FCGR2B: variants seen among roughly 807,000 people sequenced by gnomAD.
The protein encoded by FCGR2B is low affinity immunoglobulin gamma Fc region receptor II-b.
FCGR2B carries 18 observed loss-of-function variants against 24.8 expected under a neutral mutation model. The observed-to-expected ratio is 0.73, with a 90% CI of 0.50 to 1.08. The LOEUF (loss-of-function observed/expected upper bound fraction) is 1.08. FCGR2B is among the 50% of genes least tolerant of loss of function. The probability of loss-of-function intolerance (pLI) is 0.00; values close to 1 mark genes in which losing one functional copy is unlikely to be tolerated. For synonymous variants in FCGR2B, 79 were observed against 109.8 expected, an observed-to-expected ratio of 0.72 and a Z score of 1.75; for missense variants, 215 against 297.6, an observed-to-expected ratio of 0.72 and a Z score of 2.04.
chr1:161,672,466 G>A (rs10799894), intron 3 of FCGR2B: 52 of 173,808 alleles, frequency 3.0e-4, no homozygotes, highest in African/African-American at 7.4e-4. Context: ...TAACATTCCC[G>A]AAGTAAATTT....
At chr1:161,676,586 T>C in intron 6 of FCGR2B, 1 of 160,268 alleles carries the variant, frequency 6.2e-6, no homozygotes, top group Non-Finnish European at 1.4e-5. Context: ...GAATTCAGAA[T>C]GCGGTTTACT....
chr1:161,676,575 G>C (rs1353606609), intron 6 of FCGR2B: 3 of 162,888 alleles, frequency 1.8e-5, no homozygotes, highest in Non-Finnish European at 4.0e-5. Flanking sequence ...TAATAGAATG[G>C]GAATTCAGAA....
the FCGR2B span, among the ~76,000 whole-genome samples, chr1:161,652,490 C>T: frequency 7.5e-6 from 1 of 134,194 alleles, no homozygotes; most frequent in African/African-American, 2.6e-5. Flanking sequence ...TGAAATTCCC[C>T]ATCTGTTTAT....
the FCGR2B span, among the ~76,000 whole-genome samples, chr1:161,654,792 A>G: frequency 7.3e-6 from 1 of 137,784 alleles, no homozygotes; most frequent in South Asian, 2.4e-4. Context: ...CTTTTCTTAG[A>G]TTTCAGGGTA....
rs912988400 is a variant in FCGR2B, at chr1:161,665,086, CT to C, written c.112+1741del. ...TTCTCTCTCCTTTCCTCATCTTTTC[CT>C]TTTTTTTCTCTCGCTCTTCCTCTTC... On this transcript the variant is annotated intron_variant, in intron 1 of 7. Coordinates refer to ENST00000358671, the MANE Select transcript of FCGR2B (RefSeq NM_001394477.1). 6.3e-5 allele frequency among the ~76,000 whole-genome samples: 6 copies of C among 95,452 alleles called. 3 individuals carry two copies. Among genetic ancestry groups the C allele is most frequent in the South Asian group, 7.5e-4 (2 of 2,682 alleles). The allele number at this position is 95,452 out of a possible 152,430, so 62.6% of individuals were successfully genotyped here.
At position 161,677,716 on chromosome 1, in the gene FCGR2B, A is replaced by G; in HGVS notation, c.*163A>G. The G allele has an allele frequency of 1.7e-6, 1 of 605,126 alleles. No homozygotes were observed. Among genetic ancestry groups the G allele is most frequent in the Non-Finnish European group, 2.9e-6 (1 of 344,568 alleles). 37.5% of individuals were successfully genotyped at this position (605,126 alleles called of 1,614,324 possible). A position where few individuals can be genotyped will look rare whatever the true frequency, so the allele number is the denominator to read the frequency against. On this transcript the variant is annotated 3_prime_UTR_variant, in exon 8 of 8. Coordinates refer to ENST00000358671, the MANE Select transcript of FCGR2B (RefSeq NM_001394477.1). ...CTGAGTCCTGAAGCTCCCTGTCCTG[A>G]AAGCCACAGACAATATGGTCCCAAA...
Position 161,674,006 on chromosome 1 carries a change from G to A in FCGR2B, c.693G>A (p.Gly231=), listed in dbSNP as rs1216129399. The change falls in exon 5 of 8, where the codon GGG becomes GGA. Residue 231 remains glycine (G), a synonymous_variant. Transcript: ENST00000358671. ...PMGIIVAVVT[G]IAVAAIVAAV... is the part of the protein sequence containing the mutation. ...GGATCATTGTGGCTGTGGTCACTGG[G>A]ATTGCTGTAGCGGCCATTGTTGCTG... 2 of 523,826 alleles carry A rather than the reference G, an allele frequency of 3.8e-6. No homozygotes were observed. Among genetic ancestry groups the A allele is most frequent in the South Asian group, 2.1e-5 (1 of 47,480 alleles). 32.4% of individuals were successfully genotyped at this position (523,826 alleles called of 1,614,324 possible).
intron 6 of FCGR2B, chr1:161,676,989 T>C (rs1193161854): frequency 2.5e-6 from 1 of 399,006 alleles, no homozygotes; most frequent in African/African-American, 2.1e-5. Flanking sequence ...TTCACTCTGA[T>C]GCTGAACACC....
chr1:161,671,800 C>A, intron 3 of FCGR2B, 151 bp downstream of exon 3: 1 of 1,448,080 alleles, frequency 6.9e-7, no homozygotes, highest in Non-Finnish European at 9.3e-7. Context: ...TTGTTTTTGC[C>A]TCAGTTCTGA....
chr1:161,649,579 G>T, the FCGR2B span, among the ~76,000 whole-genome samples: 2 of 150,732 alleles, frequency 1.3e-5, no homozygotes, highest in Admixed American at 1.3e-4. Context: ...AACGGAGCAA[G>T]ACTGAGGCAG....
intron 6 of FCGR2B, chr1:161,677,050 T>C: frequency 2.0e-6 from 1 of 493,572 alleles, no homozygotes; most frequent in Non-Finnish European, 3.5e-6. Context: ...CTCCCTGGTT[T>C]GCTTCTAGGA....
the FCGR2B span, among the ~76,000 whole-genome samples, chr1:161,651,671 C>G: frequency 8.3e-6 from 1 of 120,872 alleles, no homozygotes; most frequent in Admixed American, 9.3e-5. Context: ...CGCAGTGGCT[C>G]ACACCTGTAA....
the FCGR2B span, among the ~76,000 whole-genome samples, chr1:161,650,525 C>T: frequency 0.011 from 1,552 of 141,444 alleles, 63 homozygotes; most frequent in African/African-American, 0.037. Context: ...CACTGGAGGA[C>T]ATTTAGCAGC....
At position 161,677,793 on chromosome 1, in the gene FCGR2B, C is replaced by T. The variant is rs547107892; in HGVS notation, c.*240C>T. ...GCTCTTCTTGACATCAAGGCTCTTC[C>T]GTTCCACATCCACACAGCCAATCCA... On this transcript the variant is annotated 3_prime_UTR_variant, in exon 8 of 8. Transcript: ENST00000358671. 8.1e-6 allele frequency: 4 copies of T among 491,466 alleles called. No individual in the cohort carries two copies. The highest frequency in any genetic ancestry group is 3.9e-5 in the African/African-American group (2 of 50,970). The allele number at this position is 491,466 out of a possible 1,614,324, so 30.4% of individuals were successfully genotyped here.
At chr1:161,677,139 G>T (rs1293164572) in intron 6 of FCGR2B, 189 bp from the exon 7 acceptor site, 1 of 616,768 alleles carries the variant, frequency 1.6e-6, no homozygotes, top group East Asian at 3.0e-5. Flanking sequence ...GGAAGGCTGT[G>T]GCTGGGCTAC....
chr1:161,654,962 T>G, the FCGR2B span, among the ~76,000 whole-genome samples: 1 of 141,380 alleles, frequency 7.1e-6, no homozygotes, highest in South Asian at 2.3e-4. Flanking sequence ...CAGCTGTTTT[T>G]ATACCACAAA....
chr1:161,668,136 TAAGTA>T (rs1681397800), intron 1 of FCGR2B, among the ~76,000 whole-genome samples: 1 of 99,570 alleles, frequency 1.0e-5, no homozygotes, highest in Admixed American at 1.1e-4. Context: ...AGAGAAAAGT[TAAGTA>T]ATTTGTGAAA....
chr1:161,648,789 A>T, the FCGR2B span, among the ~76,000 whole-genome samples: 262 of 150,896 alleles, frequency 1.7e-3, 9 homozygotes, highest in Admixed American at 4.5e-3. Context: ...TTCCAGGTTC[A>T]AGTGATTCTC....
intron 6 of FCGR2B, chr1:161,676,306 G>C (rs1682125465): frequency 5.0e-6 from 1 of 201,598 alleles, no homozygotes; most frequent in Non-Finnish European, 1.0e-5. Context: ...TTGTTCAGCT[G>C]TGCTTGCAGC....
Sources: gnomAD v4.1 joint callset for allele counts (sites outside exome capture counted in the v4.1 genomes callset) on GRCh38, gnomAD v4.1.1 for gene constraint, MANE v1.5 for transcripts, NCBI Gene and HGNC (gene_info 2026-07-23, HGNC 2026-07-21) for gene names.